The following EXT2 variants were observed in gnomAD, a reference collection of about 807,000 sequenced individuals.
EXT2 encodes the protein exostosin glycosyltransferase 2.
Under a neutral mutation model 81.6 loss-of-function variants are expected in EXT2, and 53 were observed. That is an observed-to-expected ratio of 0.65 (90% CI 0.52 to 0.82). EXT2 has a LOEUF of 0.82. EXT2 is among the 40% of genes least tolerant of loss of function. EXT2 has a pLI of 0.00. For missense variants in EXT2, 774 were observed against 910.2 expected (o/e 0.85, Z 1.93); for synonymous variants, 320 against 340.0 (o/e 0.94, Z 0.65).
Position 44,107,934 on chromosome 11 carries a change from C to G in EXT2, c.222C>G (p.Asp74Glu). ...RDVPVVRLPA[D>E]SPIPERGDLS... Reference sequence around the variant, plus strand: ...TGCCGGTTGTTAGGCTGCCAGCCGACAGTCCCATCCCAGAGCGGGGGGATC... The same window carrying G: ...TGCCGGTTGTTAGGCTGCCAGCCGAGAGTCCCATCCCAGAGCGGGGGGATC... The change falls in exon 2 of 14, where the codon GAC (aspartate) becomes GAG (glutamate). Residue 74 changes from aspartate (D) to glutamate (E), a missense_variant. By Grantham distance (45) the Asp-to-Glu change is conservative (BLOSUM62 2). Transcript: ENST00000533608. 1 of 1,614,230 alleles carries G rather than the reference C, an allele frequency of 6.2e-7. No homozygotes were observed. Among genetic ancestry groups the G allele is most frequent in the South Asian group, 1.1e-5 (1 of 91,084 alleles).
chr11:44,233,991 A>G, intron 11 of EXT2, 124 bp from the exon 12 acceptor site: 1 of 1,368,858 alleles, frequency 7.3e-7, no homozygotes, highest in East Asian at 2.4e-5. Flanking sequence ...TCCTATTAAT[A>G]CAGCCTTGTG....
chr11:44,165,700 T>A (rs999288634), intron 7 of EXT2, among the ~76,000 whole-genome samples: 8 of 152,246 alleles, frequency 5.3e-5, no homozygotes, highest in Non-Finnish European at 1.2e-4. Flanking sequence ...TTAATTTGAA[T>A]ATGACTTAAA....
chr11:44,244,185 G>C lies in EXT2; in HGVS notation c.2055G>C (p.Gly685=). The C allele has an allele frequency of 6.2e-7, 1 of 1,614,058 alleles. No homozygotes were observed. The highest frequency in any genetic ancestry group is 8.5e-7 in the Non-Finnish European group (1 of 1,179,976). Residue 685 remains glycine (G), a synonymous_variant, in exon 14 of 14, where the codon GGG becomes GGC. Transcript: ENST00000533608. The part of the protein sequence containing the change: ...ECINKFASVF[G]TMPLKVVEHR... Reference sequence around the variant, plus strand: ...TCAACAAGTTTGCTTCAGTCTTCGGGACCATGCCTCTCAAGGTGGTGGAAC... The same window carrying C: ...TCAACAAGTTTGCTTCAGTCTTCGGCACCATGCCTCTCAAGGTGGTGGAAC...
At chr11:44,136,253 C>T (rs1464421679) in intron 7 of EXT2, among the ~76,000 whole-genome samples, 1 of 152,160 alleles carries the variant, frequency 6.6e-6, no homozygotes, top group African/African-American at 2.4e-5. Flanking sequence ...CCCCAGTGTA[C>T]ACCAGTTTAC....
chr11:44,150,199 G>A (rs572354174), intron 7 of EXT2, among the ~76,000 whole-genome samples: 43 of 152,308 alleles, frequency 2.8e-4, no homozygotes, highest in African/African-American at 9.4e-4. Flanking sequence ...AAGGGGTAAG[G>A]TCATGAGCAA....
chr11:44,122,327 A>T (rs1954330151), intron 4 of EXT2, among the ~76,000 whole-genome samples: 1 of 152,166 alleles, frequency 6.6e-6, no homozygotes, highest in Non-Finnish European at 1.5e-5. Context: ...TTATTAAGGA[A>T]GTTTCCCTGC....
At chr11:44,197,742 C>T in intron 8 of EXT2, 87 bp from the exon 9 acceptor site, 1 of 1,390,884 alleles carries the variant, frequency 7.2e-7, no homozygotes, top group Non-Finnish European at 1.0e-6. Context: ...GCCACCAAGC[C>T]TGCCATGTTT....
At chr11:44,207,867 C>T (rs901483391) in intron 10 of EXT2, among the ~76,000 whole-genome samples, 7 of 151,906 alleles carry the variant, frequency 4.6e-5, no homozygotes, top group South Asian at 4.2e-4. Flanking sequence ...CCCTCCCCCC[C>T]GACACTATCG....
At chr11:44,125,093 C>T (rs1954381455) in intron 5 of EXT2, 109 bp downstream of exon 5, 1 of 1,018,848 alleles carries the variant, frequency 9.8e-7, no homozygotes, top group African/African-American at 1.6e-5. Context: ...TAGAATTACC[C>T]AAGGGGAAGA....
rs866313477 is a variant in EXT2 at position 44,250,558 on chromosome 11, C to G, written c.*6271C>G. On this transcript the variant is annotated 3_prime_UTR_variant, in exon 14 of 14. Coordinates refer to ENST00000533608, the MANE Select transcript of EXT2 (RefSeq NM_207122.2). ...GAGAGCCTGGGGGTCTGGATCCTATCTGGCCCCGTCAGGGTGGATTACCAA... is the reference window on the plus strand; with the variant it reads ...GAGAGCCTGGGGGTCTGGATCCTATGTGGCCCCGTCAGGGTGGATTACCAA... Among the ~76,000 whole-genome samples the G allele has an allele frequency of 6.6e-6, 1 of 152,262 alleles. No individual in the cohort carries two copies. The highest frequency in any genetic ancestry group is 1.5e-5 in the Non-Finnish European group (1 of 68,046).
intron 10 of EXT2, among the ~76,000 whole-genome samples, chr11:44,219,487 C>T (rs1955759350): frequency 6.6e-6 from 1 of 152,108 alleles, no homozygotes; most frequent in Admixed American, 6.5e-5. Context: ...AAGTGAGACC[C>T]TGTCTCAAAA....
chr11:44,151,154 C>T (rs1339713253), intron 7 of EXT2, among the ~76,000 whole-genome samples: 1 of 152,190 alleles, frequency 6.6e-6, no homozygotes, highest in African/African-American at 2.4e-5. Flanking sequence ...TATCCCCCAT[C>T]CTCATAGTTG....
chr11:44,212,395 A>G (rs890866826), intron 10 of EXT2, among the ~76,000 whole-genome samples: 10 of 151,954 alleles, frequency 6.6e-5, no homozygotes, highest in African/African-American at 2.4e-4. Flanking sequence ...AAAGTCCTCA[A>G]CATCATAGTC....
rs998752377 is a variant in EXT2, at chr11:44,124,822, G to A, written c.777G>A (p.Val259=). 1 of 1,614,032 alleles carries A rather than the reference G, an allele frequency of 6.2e-7. No homozygotes were observed. The highest frequency in any genetic ancestry group is 2.2e-5 in the East Asian group (1 of 44,870). Residue 259 remains valine (V), a synonymous_variant, in exon 5 of 14, where the codon GTG becomes GTA. Transcript: ENST00000533608. The part of the protein sequence containing the change: ...PRQYFLLSSQ[V]GLHPEYREDL... ...AATACTTCCTCCTGTCATCTCAGGT[G>A]GGTCTCCATCCTGAGTACAGAGAGG...
At chr11:44,179,745 T>A (rs1044038655) in intron 8 of EXT2, among the ~76,000 whole-genome samples, 2 of 152,224 alleles carry the variant, frequency 1.3e-5, no homozygotes, top group African/African-American at 4.8e-5. Context: ...TTTATGTGTC[T>A]CCCAATTGAT....
Position 44,124,894 on chromosome 11 carries a change from C to T in EXT2, c.849C>T (p.Leu283=), listed in dbSNP as rs749093709. 4.6e-5 allele frequency: 75 copies of T among 1,613,932 alleles called. No homozygotes were observed. The Admixed American group carries it at 7.8e-4, about 17-fold the overall frequency. The part of the protein sequence containing the change: ...QVKHGESVLV[L]DKCTNLSEGV... ...AACATGGAGAGTCAGTGTTAGTACT[C>T]GATAAATGCACCAACCTCTCAGAGG... The change falls in exon 5 of 14, where the codon CTC becomes CTT. Residue 283 remains leucine (L), a synonymous_variant. Coordinates refer to ENST00000533608, the MANE Select transcript of EXT2 (RefSeq NM_207122.2).
intron 9 of EXT2, among the ~76,000 whole-genome samples, chr11:44,206,546 G>A (rs911864494): frequency 2.6e-5 from 4 of 152,108 alleles, no homozygotes; most frequent in Non-Finnish European, 5.9e-5. Flanking sequence ...ATTTAGAGAG[G>A]ATAAATATGT....
intron 7 of EXT2, among the ~76,000 whole-genome samples, chr11:44,137,342 C>T (rs748127662): frequency 2.0e-5 from 3 of 152,228 alleles, no homozygotes; most frequent in Non-Finnish European, 4.4e-5. Flanking sequence ...TAAATCCTCA[C>T]AGTCCAGATG....
intron 3 of EXT2, 39 bp from the exon 4 acceptor site, chr11:44,114,146 C>G: frequency 2.4e-5 from 36 of 1,501,626 alleles, no homozygotes; most frequent in Non-Finnish European, 3.0e-5. Context: ...GAATAAAGTC[C>G]TTTCTTTCTC....
Sources: gnomAD v4.1 joint callset for allele counts (sites outside exome capture counted in the v4.1 genomes callset) on GRCh38, gnomAD v4.1.1 for gene constraint, MANE v1.5 for transcripts, NCBI Gene and HGNC (gene_info 2026-07-23, HGNC 2026-07-21) for gene names.